Variants in DPF3 observed in about 807,000 individuals in gnomAD.
The protein encoded by DPF3 is double PHD fingers 3.
DPF3 carries 18 observed loss-of-function variants against 56.8 expected under a neutral mutation model. The ratio of observed to expected loss-of-function variants is 0.32; its 90% CI spans 0.22 to 0.47. The LOEUF is 0.47. Ranked by LOEUF, DPF3 falls within the 20% of genes least tolerant of loss-of-function variation. The pLI is 1.00. For synonymous variants in DPF3, 188 were observed against 180.2 expected (o/e 1.04, Z -0.35); for missense variants, 403 against 488.8 (o/e 0.82, Z 1.65).
rs1567196016 is a variant in DPF3, at chr14:72,672,056, CACA to C, written c.871+2181_871+2183del. On this transcript the variant is annotated intron_variant, in intron 8 of 10. Coordinates refer to ENST00000556509, the MANE Select transcript of DPF3 (RefSeq NM_001280542.3). ...ACACACACACACACACACACACACA[CACA>C]GACACACACACACACACACACACAC... is the stretch of plus-strand genomic sequence containing the variant. Among the ~76,000 whole-genome samples, 295 of 138,712 alleles carry C rather than the reference CACA, an allele frequency of 2.1e-3. 3 individuals carry two copies. Among genetic ancestry groups the C allele is most frequent in the African/African-American group, 8.2e-3 (287 of 35,086 alleles). The allele number at this position is 138,712 out of a possible 152,430, so 91.0% of individuals were successfully genotyped here.
intron 1 of DPF3, among the ~76,000 whole-genome samples, chr14:72,783,016 T>G (rs751057596): frequency 1.3e-5 from 2 of 152,090 alleles, no homozygotes; most frequent in Non-Finnish European, 2.9e-5. Context: ...GGCTCCATCC[T>G]CACTGCACTC....
At chr14:72,720,919 A>C (rs1166382654) in intron 5 of DPF3, among the ~76,000 whole-genome samples, 1 of 152,196 alleles carries the variant, frequency 6.6e-6, no homozygotes, top group Non-Finnish European at 1.5e-5. Flanking sequence ...AATTTTAATA[A>C]TATATTTTAT....
chr14:72,800,461 GATGGACAC>G (rs1892832431), intron 1 of DPF3, among the ~76,000 whole-genome samples: 1 of 151,754 alleles, frequency 6.6e-6, no homozygotes, highest in Non-Finnish European at 1.5e-5. Flanking sequence ...TGGATGGATG[GATGGACAC>G]ATGGATGCAT....
chr14:72,643,994 G>A (rs781227298), intron 8 of DPF3, among the ~76,000 whole-genome samples: 10 of 151,836 alleles, frequency 6.6e-5, no homozygotes, highest in African/African-American at 1.7e-4. Flanking sequence ...TCCACCTCCC[G>A]ATTTCCCCAA....
rs557908408 is a variant in DPF3 at position 72,720,714 on chromosome 14, C to T, written c.525+2919G>A. 1.2e-4 allele frequency among the ~76,000 whole-genome samples: 19 copies of T among 152,328 alleles called. 1 individual carries two copies. The South Asian group carries it at 3.9e-3, about 32-fold the overall frequency. ...ATGAACTCAGAGGAGAAAGCACAGA[C>T]CTGTGTTCAAATCTTAGCCTCTTCC... is the stretch of plus-strand genomic sequence containing the variant. On this transcript the variant is annotated intron_variant, in intron 5 of 10. Coordinates refer to ENST00000556509, the MANE Select transcript of DPF3 (RefSeq NM_001280542.3).
chr14:72,750,208 A>G (rs964603123), intron 3 of DPF3, among the ~76,000 whole-genome samples: 1 of 152,226 alleles, frequency 6.6e-6, no homozygotes, highest in Non-Finnish European at 1.5e-5. Context: ...AGTATTGAAC[A>G]GGGAAATCAG....
intron 8 of DPF3, among the ~76,000 whole-genome samples, chr14:72,649,002 C>T (rs1271173612): frequency 1.3e-5 from 2 of 152,122 alleles, no homozygotes; most frequent in African/African-American, 2.4e-5. Context: ...CCTCCCACCT[C>T]GCTGGCTGCC....
intron 3 of DPF3, among the ~76,000 whole-genome samples, chr14:72,732,898 TTC>T (rs1889727458): frequency 6.6e-6 from 1 of 151,696 alleles, no homozygotes; most frequent in Admixed American, 6.6e-5. Context: ...TCTCTCTCCC[TTC>T]TTTCTTTCTC....
intron 1 of DPF3, among the ~76,000 whole-genome samples, chr14:72,863,142 ATATATG>A (rs1885518747): frequency 4.4e-5 from 5 of 113,786 alleles, no homozygotes; most frequent in African/African-American, 1.9e-4. Context: ...GTGTGTATAT[ATATATG>A]TGTGTGTGTG....
intron 1 of DPF3, among the ~76,000 whole-genome samples, chr14:72,844,524 G>A (rs528381451): frequency 6.6e-6 from 1 of 152,292 alleles, no homozygotes; most frequent in African/African-American, 2.4e-5. Context: ...AAGCCCAGGT[G>A]TTCAGGTTAT....
chr14:72,879,552 C>T (rs866355498), intron 1 of DPF3, among the ~76,000 whole-genome samples: 6 of 152,146 alleles, frequency 3.9e-5, no homozygotes, highest in African/African-American at 1.4e-4. Context: ...TCAGCAAGGG[C>T]TCCACCAGGG....
intron 8 of DPF3, among the ~76,000 whole-genome samples, chr14:72,660,491 C>T (rs1157473285): frequency 1.3e-5 from 2 of 152,196 alleles, no homozygotes; most frequent in East Asian, 1.9e-4. Context: ...GATAAGAGGG[C>T]CCATCTTCAC....
intron 1 of DPF3, among the ~76,000 whole-genome samples, chr14:72,822,049 C>A (rs1365350158): frequency 6.6e-6 from 1 of 152,034 alleles, no homozygotes; most frequent in Admixed American, 6.6e-5. Flanking sequence ...TATGTCCACA[C>A]AATGAAATGC....
intron 8 of DPF3, among the ~76,000 whole-genome samples, chr14:72,667,297 G>T (rs1886480621): frequency 6.6e-6 from 1 of 152,088 alleles, no homozygotes; most frequent in Non-Finnish European, 1.5e-5. Flanking sequence ...GGATTTGATT[G>T]TTCTAGGTAG....
chr14:72,657,994 G>A (rs934039899), intron 8 of DPF3, among the ~76,000 whole-genome samples: 6 of 152,146 alleles, frequency 3.9e-5, no homozygotes, highest in African/African-American at 9.7e-5. Context: ...TGACCCCAGC[G>A]AGTAGTGTTC....
intron 7 of DPF3, among the ~76,000 whole-genome samples, chr14:72,689,164 C>A (rs1887564435): frequency 6.6e-6 from 1 of 152,156 alleles, no homozygotes; most frequent in South Asian, 2.1e-4. Flanking sequence ...GCAGCAGCAC[C>A]AGGCGCGGGA....
intron 1 of DPF3, among the ~76,000 whole-genome samples, chr14:72,870,661 A>C (rs1885862350): frequency 6.6e-6 from 1 of 152,384 alleles, no homozygotes. Flanking sequence ...TTCTAGGAAA[A>C]CCAGTGCTTC....
intron 6 of DPF3, among the ~76,000 whole-genome samples, chr14:72,707,912 C>A (rs1888476738): frequency 6.6e-6 from 1 of 150,832 alleles, no homozygotes; most frequent in African/African-American, 2.4e-5. Context: ...ATCTGTAATT[C>A]CTGATTATTC....
chr14:72,621,795 G>A (rs1884465550), intron 9 of DPF3, among the ~76,000 whole-genome samples: 1 of 152,196 alleles, frequency 6.6e-6, no homozygotes, highest in African/African-American at 2.4e-5. Flanking sequence ...TTGATTAGAT[G>A]GGGAGAGTGA....
Sources: gnomAD v4.1 joint callset for allele counts (sites outside exome capture counted in the v4.1 genomes callset) on GRCh38, gnomAD v4.1.1 for gene constraint, MANE v1.5 for transcripts, NCBI Gene and HGNC (gene_info 2026-07-23, HGNC 2026-07-21) for gene names.